RERE: variants seen among roughly 807,000 people sequenced by gnomAD.
RERE encodes arginine-glutamic acid dipeptide repeats protein.
RERE carries 40 observed loss-of-function variants against 146.1 expected under a neutral mutation model. The ratio of observed to expected loss-of-function variants is 0.27; its 90% CI spans 0.21 to 0.36. The LOEUF is 0.36. Ranked by LOEUF, RERE falls within the 10% of genes least tolerant of loss-of-function variation. The pLI, the probability that RERE is intolerant of heterozygous loss-of-function variation, is 1.00. For missense variants in RERE, 1,933 were observed against 2,138.7 expected (o/e 0.90, Z 1.90); for synonymous variants, 1,003 against 866.0 (o/e 1.16, Z -2.78).
At chr1:8,600,830 C>A (rs1242284471) in intron 4 of RERE, among the ~76,000 whole-genome samples, 1 of 147,118 alleles carries the variant, frequency 6.8e-6, no homozygotes, top group African/African-American at 2.5e-5. Flanking sequence ...TCTCGGCTCA[C>A]TGCAAGCTCC....
chr1:8,738,856 A>C (rs1373175055), intron 1 of RERE, among the ~76,000 whole-genome samples: 4 of 151,858 alleles, frequency 2.6e-5, no homozygotes, highest in South Asian at 2.1e-4. Flanking sequence ...TGTTCCTCAC[A>C]CTCTTCCTGG....
chr1:8,655,015 G>C (rs892602706), intron 2 of RERE, among the ~76,000 whole-genome samples: 2 of 152,118 alleles, frequency 1.3e-5, no homozygotes, highest in Non-Finnish European at 2.9e-5. Flanking sequence ...TTGTTTCCCT[G>C]ATCTCATCTA....
intron 12 of RERE, among the ~76,000 whole-genome samples, chr1:8,398,362 T>C (rs1643129558): frequency 6.6e-6 from 1 of 152,224 alleles, no homozygotes. Context: ...GAAATCTCCA[T>C]AGCTTTGCTC....
At chr1:8,618,277 T>C (rs553489525) in intron 3 of RERE, among the ~76,000 whole-genome samples, 25 of 152,278 alleles carry the variant, frequency 1.6e-4, no homozygotes, top group African/African-American at 5.5e-4. Flanking sequence ...CTTGGCAAGG[T>C]AGGTACTTTA....
At chr1:8,556,623 TA>T in intron 5 of RERE, 52 bp from the exon 6 acceptor site, 25 of 1,165,158 alleles carry the variant, frequency 2.1e-5, no homozygotes, top group Non-Finnish European at 2.4e-5. Context: ...CCAAAACAAG[TA>T]AAAAAAATTT....
chr1:8,635,942 TTTATTTTATCTTATC>T (rs1210618468), intron 2 of RERE, among the ~76,000 whole-genome samples: 4 of 60,718 alleles, frequency 6.6e-5, no homozygotes, highest in Admixed American at 6.6e-4. Context: ...CAATTATTAT[TTTATTTTATCTTATC>T]TTATCTTATC....
intron 20 of RERE, among the ~76,000 whole-genome samples, 187 bp downstream of exon 20, chr1:8,358,009 G>A (rs962870251): frequency 6.6e-6 from 1 of 152,272 alleles, no homozygotes; most frequent in Non-Finnish European, 1.5e-5. Flanking sequence ...AGAGCTGCGG[G>A]GCCGAGGAGA....
intron 1 of RERE, among the ~76,000 whole-genome samples, chr1:8,746,876 A>AAGAGAG (rs201913344): frequency 6.9e-6 from 1 of 145,292 alleles, no homozygotes; most frequent in Non-Finnish European, 1.5e-5. Flanking sequence ...GGGAACAAAA[A>AAGAGAG]AGAGAGAGAG....
At chr1:8,383,218 G>A (rs1227657140) in intron 12 of RERE, among the ~76,000 whole-genome samples, 1 of 151,804 alleles carries the variant, frequency 6.6e-6, no homozygotes, top group African/African-American at 2.4e-5. Flanking sequence ...GAAGATCTCA[G>A]CTGCAACCAG....
chr1:8,357,472 G>A (rs955797884), intron 20 of RERE, among the ~76,000 whole-genome samples: 3 of 152,220 alleles, frequency 2.0e-5, no homozygotes, highest in Non-Finnish European at 4.4e-5. Context: ...CACACTGGAG[G>A]GTGGCCAGTG....
intron 11 of RERE, among the ~76,000 whole-genome samples, chr1:8,461,098 G>A (rs761984058): frequency 1.2e-4 from 18 of 152,112 alleles, no homozygotes; most frequent in Non-Finnish European, 1.9e-4. Context: ...AGCATGGAAG[G>A]GTGACTTAAT....
At position 8,361,885 on chromosome 1, in the gene RERE, G is replaced by A. The variant is rs767979215; in HGVS notation, c.1903-9C>T. 1.2e-6 allele frequency: 2 copies of A among 1,603,216 alleles called. No homozygotes were observed. The highest frequency in any genetic ancestry group is 8.5e-7 in the Non-Finnish European group (1 of 1,170,314). ...GCTTCCTCCTTCACCTTCTGCAGGG[G>A]AAAAGCCCACAAGGAGCAATCAGGC... On this transcript the variant is annotated splice_polypyrimidine_tract_variant and intron_variant, in intron 16 of 22. Transcript: ENST00000400908.
chr1:8,714,955 C>A (rs1639735617), intron 1 of RERE, among the ~76,000 whole-genome samples: 1 of 151,904 alleles, frequency 6.6e-6, no homozygotes, highest in African/African-American at 2.4e-5. Context: ...CTCACTGCAA[C>A]CTCCGCCTCC....
intron 12 of RERE, among the ~76,000 whole-genome samples, chr1:8,387,225 G>C (rs1440580689): frequency 6.6e-6 from 1 of 152,214 alleles, no homozygotes; most frequent in Non-Finnish European, 1.5e-5. Flanking sequence ...GTGGAGAAAA[G>C]GCTGGACTTC....
Position 8,417,322 on chromosome 1 carries a change from A to G in RERE, c.1284+5405T>C, listed in dbSNP as rs569026655. On this transcript the variant is annotated intron_variant, in intron 12 of 22. Coordinates refer to ENST00000400908, the MANE Select transcript of RERE (RefSeq NM_001042681.2). ...TATGCAAATGACATTTTGCCTGAAG[A>G]AAAAAGTACAGTTAATGGCCAGTAG... is the stretch of plus-strand genomic sequence containing the variant. Among the ~76,000 whole-genome samples, 6 of 152,362 alleles carry G rather than the reference A, an allele frequency of 3.9e-5. No individual in the cohort carries two copies. In the South Asian group the frequency reaches 1.2e-3, roughly 32 times the overall value.
At chr1:8,355,960 C>A in intron 21 of RERE, 140 bp downstream of exon 21, 2 of 886,074 alleles carry the variant, frequency 2.3e-6, no homozygotes, top group Non-Finnish European at 3.3e-6. Context: ...TGTTCCCCCA[C>A]GGACCCCCTG....
intron 3 of RERE, among the ~76,000 whole-genome samples, chr1:8,622,960 A>G (rs1418712176): frequency 6.6e-6 from 1 of 152,232 alleles, no homozygotes; most frequent in African/African-American, 2.4e-5. Flanking sequence ...AAATAAGAGC[A>G]TTCACAGATA....
chr1:8,500,063 G>A (rs1190551499), intron 8 of RERE, among the ~76,000 whole-genome samples: 3 of 152,234 alleles, frequency 2.0e-5, no homozygotes, highest in Admixed American at 1.3e-4. Context: ...GGAGGTTCCC[G>A]TGAGCTGAGA....
At chr1:8,695,272 A>G (rs887421436) in intron 1 of RERE, among the ~76,000 whole-genome samples, 1 of 152,168 alleles carries the variant, frequency 6.6e-6, no homozygotes, top group Non-Finnish European at 1.5e-5. Context: ...CTCAAGGTGG[A>G]TTAAATATTT....
Sources: allele counts gnomAD v4.1 joint callset (sites outside exome capture counted in the v4.1 genomes callset), GRCh38; gene constraint gnomAD v4.1.1; transcripts MANE v1.5; gene names NCBI Gene and HGNC (gene_info 2026-07-23, HGNC 2026-07-21).